BCKDHA: variants seen among roughly 807,000 people sequenced by gnomAD.
BCKDHA encodes branched chain keto acid dehydrogenase E1 subunit alpha.
A neutral mutation model predicts 52.2 loss-of-function variants in BCKDHA; 43 were observed. That is an observed-to-expected ratio of 0.82 (90% CI 0.64 to 1.06). The LOEUF is 1.06. Ranked by LOEUF, BCKDHA falls within the 50% of genes least tolerant of loss-of-function variation. BCKDHA has a pLI of 0.00. For synonymous variants in BCKDHA, 234 were observed against 247.9 expected, an observed-to-expected ratio of 0.94 and a Z score of 0.53; for missense variants, 527 against 621.3, an observed-to-expected ratio of 0.85 and a Z score of 1.61.
At chr19:41,407,362 A>T (rs11083619) in intron 1 of BCKDHA, among the ~76,000 whole-genome samples, 3 of 152,014 alleles carry the variant, frequency 2.0e-5, no homozygotes, top group Admixed American at 6.6e-5. Flanking sequence ...GGAACTTAAC[A>T]GCCCATTCAT....
At position 41,424,734 on chromosome 19, in the gene BCKDHA, G is replaced by A. The variant is rs748757436; in HGVS notation, c.*126G>A. 6.9e-5 allele frequency: 75 copies of A among 1,092,026 alleles called. No homozygotes were observed. Among genetic ancestry groups the A allele is most frequent in the Admixed American group, 8.7e-5 (3 of 34,440 alleles). 67.6% of individuals were successfully genotyped at this position (1,092,026 alleles called of 1,614,324 possible). On this transcript the variant is annotated 3_prime_UTR_variant, in exon 9 of 9. Coordinates refer to ENST00000269980, the MANE Select transcript of BCKDHA (RefSeq NM_000709.4). ...GTCAGCTCCCTCTAAAATACTCAGC[G>A]GCCAGGGCGGCTGCCACTCTTCACC...
At chr19:41,412,380 C>CTTTTTCTTTTTTTTTTTTTTTTTTT (rs2039263507) in intron 3 of BCKDHA, among the ~76,000 whole-genome samples, 1 of 65,864 alleles carries the variant, frequency 1.5e-5, no homozygotes, top group Non-Finnish European at 3.1e-5. Context: ...GTAGATATTT[C>CTTTTTCTTTTTTTTTTTTTTTTTTT]TTTTTTTTTT....
chr19:41,424,731 A>C lies in BCKDHA; in HGVS notation c.*123A>C. On this transcript the variant is annotated 3_prime_UTR_variant, in exon 9 of 9. Transcript: ENST00000269980. ...CCAGTCAGCTCCCTCTAAAATACTCAGCGGCCAGGGCGGCTGCCACTCTTC... is the reference window on the plus strand; with the variant it reads ...CCAGTCAGCTCCCTCTAAAATACTCCGCGGCCAGGGCGGCTGCCACTCTTC... 8 of 1,157,964 alleles carry C rather than the reference A, an allele frequency of 6.9e-6. No individual in the cohort carries two copies. The highest frequency in any genetic ancestry group is 8.3e-6 in the Non-Finnish European group (7 of 840,676). 71.7% of individuals were successfully genotyped at this position (1,157,964 alleles called of 1,614,324 possible).
At chr19:41,403,194 GACTCA>G (rs1568501282) in intron 1 of BCKDHA, among the ~76,000 whole-genome samples, 3 of 152,222 alleles carry the variant, frequency 2.0e-5, no homozygotes, top group African/African-American at 7.2e-5. Flanking sequence ...TGGGAAGGGG[GACTCA>G]ACTCTTTGCT....
At position 41,406,508 on chromosome 19, in the gene BCKDHA, T is replaced by C. The variant is rs2039194661; in HGVS notation, c.109-4129T>C. On this transcript the variant is annotated intron_variant, in intron 1 of 8. Transcript: ENST00000269980. The stretch of plus-strand genomic sequence containing the variant: ...GACCTCCTGGGCTCAAGCCATCCTC[T>C]CACCTCAGCCTCCCGCAACTCCAGT... Among the ~76,000 whole-genome samples the C allele has an allele frequency of 4.0e-5, 6 of 150,844 alleles. No individual in the cohort carries two copies. In the South Asian group the frequency reaches 1.3e-3, roughly 32 times the overall value.
chr19:41,403,396 A>G (rs1446207921), intron 1 of BCKDHA, among the ~76,000 whole-genome samples: 1 of 152,168 alleles, frequency 6.6e-6, no homozygotes, highest in Admixed American at 6.6e-5. Context: ...TGGAGTTATG[A>G]TAACAGTGCC....
At chr19:41,411,375 T>C (rs1225836714) in intron 3 of BCKDHA, among the ~76,000 whole-genome samples, 1 of 152,076 alleles carries the variant, frequency 6.6e-6, no homozygotes, top group African/African-American at 2.4e-5. Flanking sequence ...CCATGTGAAA[T>C]GGGCTGTGAT....
chr19:41,411,932 A>G (rs1455047698), intron 3 of BCKDHA, among the ~76,000 whole-genome samples: 1 of 152,216 alleles, frequency 6.6e-6, no homozygotes, highest in East Asian at 1.9e-4. Flanking sequence ...CTTAGAAGAA[A>G]GCACACATTC....
intron 8 of BCKDHA, 84 bp downstream of exon 8, chr19:41,423,253 G>A: frequency 6.5e-7 from 1 of 1,534,854 alleles, no homozygotes; most frequent in Non-Finnish European, 8.8e-7. Context: ...CACCGAACTG[G>A]GAGGCTCAGG....
chr19:41,413,241 C>G lies in BCKDHA; in HGVS notation c.376-808C>G, dbSNP rs183475189. ...GCAGTGGTCTCTTCTATCCAGAAAG[C>G]AAAAGCAGACTTCCACCAAAATATC... On this transcript the variant is annotated intron_variant, in intron 3 of 8. Transcript: ENST00000269980. Among the ~76,000 whole-genome samples the G allele has an allele frequency of 1.6e-3, 249 of 152,278 alleles. 1 individual carries two copies. The highest frequency in any genetic ancestry group is 5.3e-3 in the African/African-American group (219 of 41,522).
intron 1 of BCKDHA, among the ~76,000 whole-genome samples, chr19:41,406,075 T>G (rs2241711): frequency 2.0e-5 from 3 of 152,088 alleles, no homozygotes; most frequent in South Asian, 4.2e-4. Flanking sequence ...AGGCACAGCG[T>G]GGAGCCCTTT....
chr19:41,408,986 G>A (rs77949523), intron 1 of BCKDHA, among the ~76,000 whole-genome samples: 1,976 of 152,180 alleles, frequency 0.013, 49 homozygotes, highest in African/African-American at 0.043. Context: ...CAGGGTCTCT[G>A]TTGCCCAGGC....
rs2039246319 is a variant in BCKDHA, at chr19:41,410,934, G to A, written c.300G>A (p.Glu100=). The A allele has an allele frequency of 6.2e-7, 1 of 1,614,080 alleles. No individual in the cohort carries two copies. Among genetic ancestry groups the A allele is most frequent in the Admixed American group, 1.7e-5 (1 of 60,000 alleles). ...NPSEDPHLPK[E]KVLKLYKSMT... The stretch of plus-strand genomic sequence containing the variant: ...GCCTCCACCCGCAGCTGCCGAAGGA[G>A]AAGGTGCTGAAGCTCTACAAGAGCA... Residue 100 remains glutamate, a synonymous_variant, in exon 3 of 9, where the codon GAG becomes GAA. Coordinates refer to ENST00000269980, the MANE Select transcript of BCKDHA (RefSeq NM_000709.4).
intron 5 of BCKDHA, 83 bp from the exon 6 acceptor site, chr19:41,422,081 T>G: frequency 2.1e-6 from 3 of 1,395,460 alleles, no homozygotes; most frequent in Non-Finnish European, 3.0e-6. Flanking sequence ...GAGCCACGCT[T>G]GAGCCGTGGG....
chr19:41,410,690 C>T lies in BCKDHA; in HGVS notation c.162C>T (p.Phe54=). ...QFSSLDDKPQ[F]PGASAEFIDK... is the part of the protein sequence containing the mutation. The stretch of plus-strand genomic sequence containing the variant: ...CATCTCTGGATGACAAGCCCCAGTT[C>T]CCAGGGGCCTCGGCGGAGTTTATAG... Residue 54 remains phenylalanine, a synonymous_variant, in exon 2 of 9, where the codon TTC becomes TTT. Coordinates refer to ENST00000269980, the MANE Select transcript of BCKDHA (RefSeq NM_000709.4). 1 of 1,614,212 alleles carries T rather than the reference C, an allele frequency of 6.2e-7. No individual in the cohort carries two copies. Among genetic ancestry groups the T allele is most frequent in the South Asian group, 1.1e-5 (1 of 91,090 alleles).
chr19:41,419,826 G>A (rs904973629), intron 5 of BCKDHA, among the ~76,000 whole-genome samples: 10 of 144,956 alleles, frequency 6.9e-5, no homozygotes, highest in African/African-American at 2.3e-4. Context: ...GGAGTGCAAT[G>A]GTGCAATCTC....
intron 5 of BCKDHA, 118 bp downstream of exon 5, chr19:41,419,414 C>A: frequency 7.8e-7 from 1 of 1,275,376 alleles, no homozygotes; most frequent in Non-Finnish European, 1.1e-6. Flanking sequence ...ACCACTAGAG[C>A]CCTGGTCTGT....
At chr19:41,407,882 C>T (rs2039209847) in intron 1 of BCKDHA, among the ~76,000 whole-genome samples, 1 of 151,174 alleles carries the variant, frequency 6.6e-6, no homozygotes. Flanking sequence ...GCTGCAGGGG[C>T]AGTTGGGGTG....
At position 41,422,676 on chromosome 19, in the gene BCKDHA, AATG is replaced by A; in HGVS notation, c.905_907del (p.Asp302del). 1.9e-6 allele frequency: 3 copies of A among 1,614,110 alleles called. No individual in the cohort carries two copies. Among genetic ancestry groups the A allele is most frequent in the East Asian group, 2.2e-5 (1 of 44,878 alleles). On this transcript the variant is annotated inframe_deletion, in exon 7 of 9. Transcript: ENST00000269980. ...CATCATGTCAATCCGCGTGGATGGTAATGATGTGTTTGCCGTATACAACGCCAC... is the reference window on the plus strand; with the variant it reads ...CATCATGTCAATCCGCGTGGATGGTAATGTGTTTGCCGTATACAACGCCAC...
Sources: gnomAD v4.1 joint callset for allele counts (sites outside exome capture counted in the v4.1 genomes callset) on GRCh38, gnomAD v4.1.1 for gene constraint, MANE v1.5 for transcripts, NCBI Gene and HGNC (gene_info 2026-07-23, HGNC 2026-07-21) for gene names.